Variants in SEMA3D observed in about 807,000 individuals in gnomAD.
The protein encoded by SEMA3D is semaphorin 3D.
A neutral mutation model predicts 100.1 loss-of-function variants in SEMA3D; 84 were observed. That is an observed-to-expected ratio of 0.84 (90% CI 0.70 to 1.01). SEMA3D has a LOEUF of 1.01. SEMA3D is among the 50% of genes least tolerant of loss of function. SEMA3D has a pLI of 0.00. For missense variants in SEMA3D, 875 were observed against 934.1 expected (o/e 0.94, Z 0.82); for synonymous variants, 312 against 320.7 (o/e 0.97, Z 0.29).
chr7:85,017,533 A>C (rs1790138564), intron 15 of SEMA3D, among the ~76,000 whole-genome samples: 1 of 151,816 alleles, frequency 6.6e-6, no homozygotes, highest in African/African-American at 2.4e-5. Flanking sequence ...TAATAGATTA[A>C]GTCAATTTTA....
intron 3 of SEMA3D, among the ~76,000 whole-genome samples, chr7:85,118,190 T>C (rs1387596795): frequency 1.3e-5 from 2 of 152,142 alleles, no homozygotes; most frequent in Admixed American, 6.6e-5. Flanking sequence ...ACTGGAGTTT[T>C]CATTATTTTT....
intron 2 of SEMA3D, among the ~76,000 whole-genome samples, chr7:85,128,831 A>G (rs1289820050): frequency 6.6e-6 from 1 of 150,536 alleles, no homozygotes; most frequent in East Asian, 1.9e-4. Flanking sequence ...GTAGTTGGAA[A>G]CTTGTTTTTC....
At chr7:85,191,328 A>T (rs1584003248), upstream of SEMA3D, among the ~76,000 whole-genome samples, 1 of 152,284 alleles carries the variant, frequency 6.6e-6, no homozygotes, top group East Asian at 1.9e-4. Flanking sequence ...ATGTACTTAT[A>T]TCAATAAACA....
Position 85,036,996 on chromosome 7 carries a change from T to C in SEMA3D, c.1084A>G (p.Met362Val), listed in dbSNP as rs777321055. 3 of 1,613,256 alleles carry C rather than the reference T, an allele frequency of 1.9e-6. No individual in the cohort carries two copies. Among genetic ancestry groups the C allele is most frequent in the Non-Finnish European group, 2.5e-6 (3 of 1,179,566 alleles). Residue 362 changes from methionine (M) to valine (V), a missense_variant, in exon 12 of 19, where the codon ATG becomes GTG. Met to Val is a conservative substitution (Grantham distance 21). Coordinates refer to ENST00000284136, the MANE Select transcript of SEMA3D (RefSeq NM_001384900.1). The part of the protein sequence containing the change: ...FKGSAVCVYS[M>V]ADIRAVFNGP... Reference sequence around the variant, plus strand: ...TTAAAAACTGCTCTGATGTCAGCCATGCTATACACACAAACAGCAGAGCCT... The same window carrying C: ...TTAAAAACTGCTCTGATGTCAGCCACGCTATACACACAAACAGCAGAGCCT...
At chr7:85,029,531 T>C in intron 12 of SEMA3D, 2 of 593,374 alleles carry the variant, frequency 3.4e-6, no homozygotes, top group Admixed American at 2.2e-5. Flanking sequence ...AAGGAAGAAT[T>C]TGAACATGCA....
At chr7:85,165,140 C>G (rs1285673886) in intron 1 of SEMA3D, among the ~76,000 whole-genome samples, 1 of 151,804 alleles carries the variant, frequency 6.6e-6, no homozygotes, top group Non-Finnish European at 1.5e-5. Context: ...GGGTGCAGCA[C>G]ACCAACATGG....
chr7:85,043,417 C>T (rs1790917488), intron 9 of SEMA3D, among the ~76,000 whole-genome samples: 1 of 152,018 alleles, frequency 6.6e-6, no homozygotes, highest in Non-Finnish European at 1.5e-5. Context: ...CTATATTTTC[C>T]ATACTTTATT....
At chr7:85,024,995 TC>T (rs1334583486) in intron 12 of SEMA3D, among the ~76,000 whole-genome samples, 1 of 151,902 alleles carries the variant, frequency 6.6e-6, no homozygotes, top group Non-Finnish European at 1.5e-5. Context: ...AAGCGGATGG[TC>T]ATTCATATTC....
intron 5 of SEMA3D, among the ~76,000 whole-genome samples, chr7:85,073,659 TCAG>T (rs1226902471): frequency 2.6e-5 from 4 of 152,198 alleles, no homozygotes; most frequent in African/African-American, 4.8e-5. Flanking sequence ...GTCATCTGTC[TCAG>T]CTACACTGAA....
chr7:85,182,060 G>A (rs1791425155), intron 1 of SEMA3D, among the ~76,000 whole-genome samples: 2 of 151,814 alleles, frequency 1.3e-5, no homozygotes, highest in Non-Finnish European at 2.9e-5. Context: ...CGTATTTCTT[G>A]GTTATGGTGA....
chr7:85,237,770 G>A, the SEMA3D span, among the ~76,000 whole-genome samples: 1 of 152,184 alleles, frequency 6.6e-6, no homozygotes, highest in Non-Finnish European at 1.5e-5. Context: ...TTTTGTGTGA[G>A]CGTAAGTTTT....
chr7:85,162,029 A>G (rs943215958), intron 1 of SEMA3D, among the ~76,000 whole-genome samples: 1 of 152,016 alleles, frequency 6.6e-6, no homozygotes, highest in African/African-American at 2.4e-5. Flanking sequence ...TTGAGAGTCA[A>G]TATAATAATA....
At position 85,018,241 on chromosome 7, in the gene SEMA3D, T is replaced by C. The variant is rs1790158097; in HGVS notation, c.1545+11A>G. The C allele has an allele frequency of 7.0e-6, 11 of 1,568,634 alleles. No homozygotes were observed. The East Asian group carries it at 2.5e-4, about 35-fold the overall frequency. The stretch of plus-strand genomic sequence containing the variant: ...TTTGTGATTAACTTTCATACAAAAG[T>C]TAAAAAGTACCTGCTTCAGAGACAA... On this transcript the variant is annotated intron_variant, in intron 15 of 18. Coordinates refer to ENST00000284136, the MANE Select transcript of SEMA3D (RefSeq NM_001384900.1).
At chr7:85,176,018 A>T (rs921191142) in intron 1 of SEMA3D, among the ~76,000 whole-genome samples, 1 of 152,054 alleles carries the variant, frequency 6.6e-6, no homozygotes, top group Admixed American at 6.6e-5. Context: ...TAGTACTCTC[A>T]TTATGATTAA....
rs1380337017 is a variant in SEMA3D at position 85,142,262 on chromosome 7, C to A, written c.-41+11346G>T. 3 of 981,348 alleles carry A rather than the reference C, an allele frequency of 3.1e-6. No homozygotes were observed. The South Asian group carries it at 1.4e-4, about 46-fold the overall frequency. 60.8% of individuals were successfully genotyped at this position (981,348 alleles called of 1,614,324 possible). ...CTACCAATATAATAAATTTTTGAAC[C>A]AACAATATCTAGTAAAACACTGAGA... On this transcript the variant is annotated intron_variant, in intron 2 of 18. Transcript: ENST00000284136.
the SEMA3D span, among the ~76,000 whole-genome samples, chr7:85,225,070 A>G: frequency 1.5e-4 from 1 of 6,666 alleles, no homozygotes; most frequent in Non-Finnish European, 3.4e-4. Context: ...ATATATATAT[A>G]TATATATATA....
chr7:85,244,174 C>T, the SEMA3D span, among the ~76,000 whole-genome samples: 1 of 149,404 alleles, frequency 6.7e-6, no homozygotes, highest in Non-Finnish European at 1.5e-5. Context: ...GGTGCTGCTT[C>T]ATAACAGCAG....
At position 84,997,055 on chromosome 7, in the gene SEMA3D, A is replaced by G. The variant is rs919417321; in HGVS notation, c.*2385T>C. 1 of 151,754 alleles carries G rather than the reference A, an allele frequency of 6.6e-6. No homozygotes were observed. The highest frequency in any genetic ancestry group is 1.5e-5 in the Non-Finnish European group (1 of 67,836). 9.4% of individuals were successfully genotyped at this position (151,754 alleles called of 1,614,324 possible). On this transcript the variant is annotated 3_prime_UTR_variant, in exon 19 of 19. Transcript: ENST00000284136. ...ACTAATAATATTTTTAATATATTTT[A>G]ACTAATTATCATAAATCAAGAGTAT...
chr7:85,055,061 G>A (rs911794297), intron 9 of SEMA3D, among the ~76,000 whole-genome samples: 1 of 151,920 alleles, frequency 6.6e-6, no homozygotes, highest in Admixed American at 6.6e-5. Flanking sequence ...TTGCATTGTG[G>A]TTGTTTGTTT....
Sources: allele counts gnomAD v4.1 joint callset (sites outside exome capture counted in the v4.1 genomes callset), GRCh38; gene constraint gnomAD v4.1.1; transcripts MANE v1.5; gene names NCBI Gene and HGNC (gene_info 2026-07-23, HGNC 2026-07-21).